The following SEMA3A variants were observed in gnomAD, a reference collection of about 807,000 sequenced individuals.
SEMA3A encodes semaphorin-3A.
SEMA3A carries 29 observed loss-of-function variants against 97.9 expected under a neutral mutation model. The observed-to-expected ratio is 0.30, with a 90% CI of 0.22 to 0.40. The LOEUF (loss-of-function observed/expected upper bound fraction) is 0.40, where lower values mean the gene tolerates loss of function less well. SEMA3A is among the 10% of genes least tolerant of loss of function. The pLI is 1.00. For synonymous variants in SEMA3A, 321 were observed against 323.7 expected, an observed-to-expected ratio of 0.99 and a Z score of 0.09; for missense variants, 763 against 951.3, an observed-to-expected ratio of 0.80 and a Z score of 2.60.
chr7:84,486,509 T>G (rs2116444580), intron 1 of SEMA3A, among the ~76,000 whole-genome samples: 1 of 152,190 alleles, frequency 6.6e-6, no homozygotes, highest in Admixed American at 6.5e-5. Context: ...ATATATGGCT[T>G]GGGCATGCTC....
At chr7:84,249,096 T>C (rs17244132) in intron 3 of SEMA3A, among the ~76,000 whole-genome samples, 53,606 of 152,100 alleles carry the variant, frequency 0.35, 10,430 homozygotes, top group Non-Finnish European at 0.46. Context: ...TTCTCTGAAC[T>C]CTGCTGGATT....
At chr7:84,138,018 A>G (rs1796196474) in intron 1 of SEMA3A, among the ~76,000 whole-genome samples, 1 of 134,336 alleles carries the variant, frequency 7.4e-6, no homozygotes, top group Non-Finnish European at 1.7e-5. Flanking sequence ...GTATCTTTTA[A>G]GAGTTAATGT....
At chr7:83,974,149 A>T (rs1204720871) in intron 15 of SEMA3A, among the ~76,000 whole-genome samples, 1 of 152,082 alleles carries the variant, frequency 6.6e-6, no homozygotes, top group East Asian at 1.9e-4. Context: ...TTGCCAGCAC[A>T]CATATATTAA....
intron 4 of SEMA3A, among the ~76,000 whole-genome samples, chr7:84,088,222 G>A (rs1358551247): frequency 1.3e-5 from 2 of 152,092 alleles, no homozygotes; most frequent in East Asian, 1.9e-4. Context: ...TTGGGAGGCC[G>A]AGGCGGGTGG....
chr7:84,147,363 GATAC>G (rs1401036186), intron 1 of SEMA3A, among the ~76,000 whole-genome samples: 2 of 152,156 alleles, frequency 1.3e-5, no homozygotes, highest in African/African-American at 4.8e-5. Flanking sequence ...TCCATCCCAA[GATAC>G]ATTTTGGGGA....
intron 12 of SEMA3A, among the ~76,000 whole-genome samples, chr7:83,995,906 T>C (rs1268957849): frequency 1.3e-5 from 2 of 152,252 alleles, no homozygotes; most frequent in Non-Finnish European, 2.9e-5. Flanking sequence ...GTTAGGAAAG[T>C]ATCAATTATG....
chr7:84,349,923 C>A (rs1220891104), intron 2 of SEMA3A, among the ~76,000 whole-genome samples: 2 of 151,966 alleles, frequency 1.3e-5, no homozygotes, highest in Non-Finnish European at 2.9e-5. Context: ...TTTCCCTTTG[C>A]GCTCCAGATT....
intron 5 of SEMA3A, among the ~76,000 whole-genome samples, chr7:84,059,617 T>G (rs1343763801): frequency 3.3e-5 from 5 of 152,054 alleles, no homozygotes; most frequent in East Asian, 3.9e-4. Flanking sequence ...TTTGTTGTGC[T>G]ATTAAATAAT....
intron 4 of SEMA3A, among the ~76,000 whole-genome samples, chr7:84,097,603 GCAGA>G (rs1355099800): frequency 1.3e-5 from 2 of 151,984 alleles, no homozygotes; most frequent in African/African-American, 2.4e-5. Flanking sequence ...GGATAAAATG[GCAGA>G]CTGGAAAATA....
chr7:84,233,777 C>T (rs1799169763), intron 3 of SEMA3A, among the ~76,000 whole-genome samples: 1 of 151,934 alleles, frequency 6.6e-6, no homozygotes, highest in African/African-American at 2.4e-5. Context: ...GAAAGCAACA[C>T]CTTTACTGTA....
intron 3 of SEMA3A, among the ~76,000 whole-genome samples, chr7:84,298,460 A>C (rs1800920891): frequency 6.6e-6 from 1 of 152,150 alleles, no homozygotes; most frequent in Admixed American, 6.6e-5. Context: ...AACTGGGGGA[A>C]TAATGGATTC....
chr7:84,442,170 C>T (rs1805288590), intron 1 of SEMA3A, among the ~76,000 whole-genome samples: 1 of 152,106 alleles, frequency 6.6e-6, no homozygotes, highest in Non-Finnish European at 1.5e-5. Flanking sequence ...TAATAAATTA[C>T]AAAATTATGT....
intron 2 of SEMA3A, among the ~76,000 whole-genome samples, chr7:84,324,488 T>C (rs558026416): frequency 3.9e-5 from 6 of 152,230 alleles, no homozygotes; most frequent in African/African-American, 9.6e-5. Flanking sequence ...AAAAACAAGA[T>C]TGTCATAAAG....
At chr7:83,988,859 G>T (rs1253545427) in intron 12 of SEMA3A, among the ~76,000 whole-genome samples, 1 of 130,728 alleles carries the variant, frequency 7.6e-6, no homozygotes, top group East Asian at 3.1e-4. Context: ...TGGATATTCA[G>T]CTTTTTTTTT....
chr7:84,179,529 T>C (rs910644924), intron 1 of SEMA3A, among the ~76,000 whole-genome samples: 1 of 152,184 alleles, frequency 6.6e-6, no homozygotes, highest in African/African-American at 2.4e-5. Context: ...AATTAACAAG[T>C]CATTGTCACC....
intron 4 of SEMA3A, among the ~76,000 whole-genome samples, chr7:84,072,625 A>G (rs923512558): frequency 8.5e-5 from 13 of 152,294 alleles, no homozygotes; most frequent in Middle Eastern, 3.4e-3. Flanking sequence ...GATTCAGTAG[A>G]TACATATTAA....
intron 3 of SEMA3A, among the ~76,000 whole-genome samples, chr7:84,253,170 GCCCAGTC>G (rs1408515248): frequency 6.6e-6 from 1 of 152,160 alleles, no homozygotes; most frequent in African/African-American, 2.4e-5. Context: ...GAGCCAAGGA[GCCCAGTC>G]CTGAAGTTAC....
At chr7:84,139,586 T>C (rs1796239650) in intron 1 of SEMA3A, among the ~76,000 whole-genome samples, 1 of 152,098 alleles carries the variant, frequency 6.6e-6, no homozygotes, top group African/African-American at 2.4e-5. Flanking sequence ...AACTGCTAAT[T>C]ATTGTCACCA....
At chr7:84,058,440 G>A (rs1433255342) in intron 5 of SEMA3A, among the ~76,000 whole-genome samples, 2 of 152,074 alleles carry the variant, frequency 1.3e-5, no homozygotes, top group Non-Finnish European at 2.9e-5. Context: ...AAATGCCAAC[G>A]AAAACCCAAC....
Sources: gnomAD v4.1 joint callset for allele counts (sites outside exome capture counted in the v4.1 genomes callset) on GRCh38, gnomAD v4.1.1 for gene constraint, MANE v1.5 for transcripts, NCBI Gene and HGNC (gene_info 2026-07-23, HGNC 2026-07-21) for gene names.